TP53BP1: variants seen among roughly 807,000 people sequenced by gnomAD.
TP53BP1 encodes the protein TP53-binding protein 1.
In TP53BP1, 61 loss-of-function variants were observed where a neutral mutation model predicts 200.8. That is an observed-to-expected ratio of 0.30 (90% CI 0.25 to 0.38). TP53BP1 has a LOEUF of 0.38. TP53BP1 is among the 10% of genes least tolerant of loss of function. The pLI is 1.00. For missense variants in TP53BP1, 2,144 were observed against 2,371.9 expected, an observed-to-expected ratio of 0.90 and a Z score of 2.00; for synonymous variants, 822 against 844.3, an observed-to-expected ratio of 0.97 and a Z score of 0.46.
intron 16 of TP53BP1, among the ~76,000 whole-genome samples, chr15:43,437,352 G>A (rs931436170): frequency 2.6e-5 from 4 of 152,162 alleles, no homozygotes; most frequent in South Asian, 2.1e-4. Context: ...TATTTTCACC[G>A]TAGGGCACGG....
chr15:43,447,051 C>A, intron 13 of TP53BP1: 1 of 466,764 alleles, frequency 2.1e-6, no homozygotes, highest in Non-Finnish European at 4.1e-6. Context: ...TACCTTACTT[C>A]CTGTTCCATC....
At position 43,404,314 on chromosome 15, in the gene TP53BP1, A is replaced by C. The variant is rs943141468; in HGVS notation, c.*3069T>G. On this transcript the variant is annotated 3_prime_UTR_variant, in exon 28 of 28. Coordinates refer to ENST00000382044, the MANE Select transcript of TP53BP1 (RefSeq NM_001141980.3). The stretch of plus-strand genomic sequence containing the variant: ...GGCCAGGTGGTTCTGTAGAATTTTG[A>C]ACAAGGCTTTTCCAAGAAACTCCTC... 6 of 1,479,698 alleles carry C rather than the reference A, an allele frequency of 4.1e-6. No homozygotes were observed. Among genetic ancestry groups the C allele is most frequent in the Non-Finnish European group, 5.5e-6 (6 of 1,095,780 alleles). The allele number at this position is 1,479,698 out of a possible 1,614,324, so 91.7% of individuals were successfully genotyped here.
In TP53BP1 at chr15:43,446,559, T is replaced by G; in HGVS notation, c.2868A>C (p.Ala956=). 3 of 1,614,156 alleles carry G rather than the reference T, an allele frequency of 1.9e-6. No individual in the cohort carries two copies. The highest frequency in any genetic ancestry group is 2.5e-6 in the Non-Finnish European group (3 of 1,180,020). ...GISNYPESTI[A]TSDVMSESMV... ...TGCTTTCAGACATGACATCACTGGTTGCTATGGTGCTTTCTGGATAGTTGC... is the reference window on the plus strand; with the variant it reads ...TGCTTTCAGACATGACATCACTGGTGGCTATGGTGCTTTCTGGATAGTTGC... Residue 956 remains alanine, a synonymous_variant, in exon 14 of 28, where the codon GCA becomes GCC. Transcript: ENST00000382044.
At position 43,406,748 on chromosome 15, in the gene TP53BP1, C is replaced by T; in HGVS notation, c.*635G>A. On this transcript the variant is annotated 3_prime_UTR_variant, in exon 28 of 28. Transcript: ENST00000382044. ...CTTTGACTAGAACGTGTAACATTTC[C>T]AGGTGTTCTCACTTGTGCTTCCCAT... The T allele has an allele frequency of 2.6e-6, 1 of 385,734 alleles. No homozygotes were observed. Among genetic ancestry groups the T allele is most frequent in the Non-Finnish European group, 5.1e-6 (1 of 195,944 alleles). 23.9% of individuals were successfully genotyped at this position (385,734 alleles called of 1,614,324 possible).
At position 43,486,222 on chromosome 15, in the gene TP53BP1, CA is replaced by C. The variant is rs2079045547; in HGVS notation, c.372-5201del. 2.0e-5 allele frequency among the ~76,000 whole-genome samples: 3 copies of C among 151,556 alleles called. No homozygotes were observed. The South Asian group carries it at 6.2e-4, about 32-fold the overall frequency. ...AGAAACCCTATCTCCACTAAAAATA[CA>C]AAATTAGCCGGGCATGGTGGCACAT... On this transcript the variant is annotated intron_variant, in intron 4 of 27. Coordinates refer to ENST00000382044, the MANE Select transcript of TP53BP1 (RefSeq NM_001141980.3).
In TP53BP1 at chr15:43,407,412, T is replaced by C. The variant is rs1464094574; in HGVS notation, c.5905A>G (p.Lys1969Glu). The C allele has an allele frequency of 4.3e-6, 7 of 1,614,086 alleles. No individual in the cohort carries two copies. The highest frequency in any genetic ancestry group is 5.9e-6 in the Non-Finnish European group (7 of 1,180,042). Residue 1969 changes from lysine (K) to glutamate (E), a missense_variant, in exon 28 of 28, where the codon AAA becomes GAA. Coordinates refer to ENST00000382044, the MANE Select transcript of TP53BP1 (RefSeq NM_001141980.3). ...GERIGFKQHP[K>E]YKHDYVSH is the part of the protein sequence containing the mutation. ...TGAGAAACATAATCGTGTTTATATT[T>C]TGGATGCTGCTTGAATCCAATTCTC...
intron 1 of TP53BP1, among the ~76,000 whole-genome samples, chr15:43,499,120 T>A (rs1052450688): frequency 1.3e-5 from 2 of 151,880 alleles, no homozygotes; most frequent in Admixed American, 6.6e-5. Context: ...CTAAAAAGAA[T>A]ATAAGAGAAG....
At chr15:43,426,949 C>T (rs574370889) in intron 18 of TP53BP1, among the ~76,000 whole-genome samples, 14 of 146,524 alleles carry the variant, frequency 9.6e-5, no homozygotes, top group Admixed American at 1.4e-4. Context: ...ACCAGGAAGG[C>T]GGAGGTTGCA....
At chr15:43,506,679 T>A (rs2079238623) in intron 1 of TP53BP1, among the ~76,000 whole-genome samples, 1 of 152,212 alleles carries the variant, frequency 6.6e-6, no homozygotes, top group African/African-American at 2.4e-5. Flanking sequence ...AAGATCATAC[T>A]TGGTCATTCC....
chr15:43,488,190 T>A (rs1216707317), intron 4 of TP53BP1, among the ~76,000 whole-genome samples: 3 of 151,700 alleles, frequency 2.0e-5, no homozygotes, highest in Non-Finnish European at 4.4e-5. Context: ...TCTCAGCTAC[T>A]TGCGAGGCTG....
At chr15:43,489,433 T>C (rs2079090493) in intron 4 of TP53BP1, among the ~76,000 whole-genome samples, 1 of 152,190 alleles carries the variant, frequency 6.6e-6, no homozygotes, top group Non-Finnish European at 1.5e-5. Context: ...CACATGTTCT[T>C]AAAGAGGTAC....
upstream of TP53BP1, among the ~76,000 whole-genome samples, chr15:43,497,722 G>A (rs574676723): frequency 6.6e-6 from 1 of 152,340 alleles, no homozygotes; most frequent in African/African-American, 2.4e-5. Flanking sequence ...CAGGAGCTAG[G>A]AGGAGGGAGG....
chr15:43,409,578 C>A (rs1489422783), intron 25 of TP53BP1, 69 bp downstream of exon 25: 5 of 856,118 alleles, frequency 5.8e-6, no homozygotes, highest in Non-Finnish European at 8.8e-6. Flanking sequence ...CCTCCCAGGC[C>A]TCTTCTCAAC....
At chr15:43,471,869 T>C (rs2046733876) in intron 10 of TP53BP1, among the ~76,000 whole-genome samples, 1 of 152,260 alleles carries the variant, frequency 6.6e-6, no homozygotes, top group South Asian at 2.1e-4. Flanking sequence ...CACCTAATCA[T>C]GTTATACTTA....
chr15:43,450,408 C>T (rs1486954620), intron 12 of TP53BP1, among the ~76,000 whole-genome samples: 1 of 152,148 alleles, frequency 6.6e-6, no homozygotes, highest in Non-Finnish European at 1.5e-5. Context: ...ATGAAGTCTA[C>T]CCCAAAAGTC....
chr15:43,441,086 T>C (rs1385344681), intron 15 of TP53BP1, among the ~76,000 whole-genome samples: 1 of 152,128 alleles, frequency 6.6e-6, no homozygotes, highest in Middle Eastern at 3.4e-3. Context: ...AAAGCAAAAA[T>C]AACAGCTCAA....
intron 1 of TP53BP1, among the ~76,000 whole-genome samples, chr15:43,500,368 G>A (rs1390001003): frequency 6.6e-6 from 1 of 151,300 alleles, no homozygotes; most frequent in Non-Finnish European, 1.5e-5. Flanking sequence ...TCAACAATTA[G>A]CAACAAATGC....
chr15:43,429,342 A>C (rs1267905593), intron 17 of TP53BP1, among the ~76,000 whole-genome samples: 1 of 152,184 alleles, frequency 6.6e-6, no homozygotes, highest in Non-Finnish European at 1.5e-5. Flanking sequence ...ATGTTTTCTA[A>C]TAACAACTAT....
chr15:43,446,371 T>G lies in TP53BP1; in HGVS notation c.3040+16A>C. On this transcript the variant is annotated intron_variant, in intron 14 of 27. Transcript: ENST00000382044. ...ATCTGCAGCTACTAATTACCCAAGA[T>G]TAACATAAAACTTACTTTCCAGGTT... The G allele has an allele frequency of 6.2e-7, 1 of 1,608,538 alleles. No individual in the cohort carries two copies. The highest frequency in any genetic ancestry group is 8.5e-7 in the Non-Finnish European group (1 of 1,175,340).
Sources: gnomAD v4.1 joint callset for allele counts (sites outside exome capture counted in the v4.1 genomes callset) on GRCh38, gnomAD v4.1.1 for gene constraint, MANE v1.5 for transcripts, NCBI Gene and HGNC (gene_info 2026-07-23, HGNC 2026-07-21) for gene names.